The following PRELID2 variants were observed in gnomAD, a reference collection of about 807,000 sequenced individuals.
The protein encoded by PRELID2 is PRELI domain containing 2.
A neutral mutation model predicts 28.4 loss-of-function variants in PRELID2; 25 were observed. That is an observed-to-expected ratio of 0.88 (90% CI 0.64 to 1.23). The LOEUF (loss-of-function observed/expected upper bound fraction) is 1.23. PRELID2 is among the 50% of genes most tolerant of loss of function. The pLI is 0.00. For synonymous variants in PRELID2, 76 were observed against 71.6 expected (o/e 1.06, Z -0.31); for missense variants, 201 against 214.4 (o/e 0.94, Z 0.39).
the PRELID2 span, among the ~76,000 whole-genome samples, chr5:145,320,406 G>A: frequency 6.6e-6 from 1 of 151,806 alleles, no homozygotes; most frequent in African/African-American, 2.4e-5. Flanking sequence ...AAGTAGCTGG[G>A]ACTACAGGCG....
At chr5:145,410,668 C>G in the PRELID2 span, among the ~76,000 whole-genome samples, 9 of 151,926 alleles carry the variant, frequency 5.9e-5, no homozygotes, top group African/African-American at 2.2e-4. Context: ...GGAAACTGCC[C>G]CCATGATTCA....
chr5:145,727,756 A>G (rs1162306427), intron 1 of PRELID2, among the ~76,000 whole-genome samples: 1 of 152,222 alleles, frequency 6.6e-6, no homozygotes, highest in Non-Finnish European at 1.5e-5. Context: ...GATGTCTCCC[A>G]TGGTCTATTT....
At chr5:145,339,703 G>A in the PRELID2 span, among the ~76,000 whole-genome samples, 2 of 152,136 alleles carry the variant, frequency 1.3e-5, no homozygotes, top group Admixed American at 6.5e-5. Flanking sequence ...GCTGCAATGG[G>A]ATCAAAGCAC....
intron 1 of PRELID2, among the ~76,000 whole-genome samples, chr5:145,686,314 AT>A (rs1755037843): frequency 6.6e-6 from 1 of 152,070 alleles, no homozygotes; most frequent in Non-Finnish European, 1.5e-5. Flanking sequence ...TATAAGGGGG[AT>A]TTTCAATAAC....
chr5:145,276,605 A>C, the PRELID2 span, among the ~76,000 whole-genome samples: 3 of 152,170 alleles, frequency 2.0e-5, no homozygotes, highest in Non-Finnish European at 2.9e-5. Context: ...CTTTATAAAA[A>C]AAAGTCACCT....
chr5:145,448,856 T>C, the PRELID2 span, among the ~76,000 whole-genome samples: 1 of 152,174 alleles, frequency 6.6e-6, no homozygotes, highest in East Asian at 1.9e-4. Context: ...TAAATATTCA[T>C]CATCATTCTA....
intron 1 of PRELID2, among the ~76,000 whole-genome samples, chr5:145,672,274 G>A (rs1374969592): frequency 6.6e-6 from 1 of 152,050 alleles, no homozygotes; most frequent in African/African-American, 2.4e-5. Context: ...TTCACAGCAG[G>A]GTTAAAGAGA....
the PRELID2 span, among the ~76,000 whole-genome samples, chr5:145,254,060 C>T: frequency 5.3e-5 from 8 of 152,020 alleles, no homozygotes; most frequent in South Asian, 2.1e-4. Flanking sequence ...CCTTATTCCT[C>T]GGCTGAGAAC....
chr5:145,740,262 T>C (rs1444271532), intron 1 of PRELID2, among the ~76,000 whole-genome samples: 1 of 86,610 alleles, frequency 1.2e-5, no homozygotes, highest in Non-Finnish European at 2.2e-5. Context: ...ACAGGATTTA[T>C]CAAATATATA....
chr5:145,626,900 G>A (rs1338673193), intron 1 of PRELID2, among the ~76,000 whole-genome samples: 1 of 151,806 alleles, frequency 6.6e-6, no homozygotes, highest in Admixed American at 6.6e-5. Flanking sequence ...AGGAGTTCGA[G>A]ATCAGCCTGG....
At chr5:145,411,205 G>A in the PRELID2 span, among the ~76,000 whole-genome samples, 1 of 152,176 alleles carries the variant, frequency 6.6e-6, no homozygotes, top group South Asian at 2.1e-4. Context: ...AAGGCAAGGA[G>A]GAGCAAGTCA....
chr5:145,578,179 C>A (rs765104386), intron 1 of PRELID2, among the ~76,000 whole-genome samples: 3 of 152,108 alleles, frequency 2.0e-5, no homozygotes, highest in Non-Finnish European at 4.4e-5. Context: ...AAGATATCTC[C>A]CATCTTGCCA....
chr5:145,252,915 C>T, the PRELID2 span, among the ~76,000 whole-genome samples: 8 of 151,948 alleles, frequency 5.3e-5, no homozygotes, highest in Admixed American at 1.3e-4. Context: ...TAAAATGATA[C>T]ATTTTATGTT....
chr5:145,580,819 T>A (rs1407263110), intron 1 of PRELID2, among the ~76,000 whole-genome samples: 1 of 152,030 alleles, frequency 6.6e-6, no homozygotes, highest in Non-Finnish European at 1.5e-5. Flanking sequence ...ATAAATAATG[T>A]TGAACTTGAA....
rs145234559 is a variant in PRELID2, at chr5:145,715,427, G to C, written n.70+49504C>G. ...TAGACCATTGCTATACTTTCTAACTGATCTCCCTGATTCCAATCTTACTAA... is the reference window on the plus strand; with the variant it reads ...TAGACCATTGCTATACTTTCTAACTCATCTCCCTGATTCCAATCTTACTAA... On this transcript the variant is annotated intron_variant and non_coding_transcript_variant, in intron 1 of 2. Transcript: ENST00000510259. 3.8e-3 allele frequency among the ~76,000 whole-genome samples: 583 copies of C among 152,142 alleles called. 4 individuals carry two copies. Among genetic ancestry groups the C allele is most frequent in the African/African-American group, 0.013 (559 of 41,524 alleles).
At chr5:145,284,024 G>T in the PRELID2 span, among the ~76,000 whole-genome samples, 2 of 152,060 alleles carry the variant, frequency 1.3e-5, no homozygotes, top group African/African-American at 4.8e-5. Flanking sequence ...AGAGATCTTG[G>T]TTTAAAATCC....
the PRELID2 span, among the ~76,000 whole-genome samples, chr5:145,336,997 C>G: frequency 0.62 from 88,124 of 141,230 alleles, 28,187 homozygotes; most frequent in East Asian, 0.89. Flanking sequence ...AGCTTTAGGG[C>G]ATATGCCTAA....
rs1484469614 is a variant in PRELID2 at position 145,829,057 on chromosome 5, T to TGG, written c.76-5924_76-5923insCC. ...TGTGTGGTTTGGGGTTTTGTTGTTGTTGGTGGTGGTGGTGGTGGTGGTGGT... is the reference window on the plus strand; with the variant it reads ...TGTGTGGTTTGGGGTTTTGTTGTTGTGGTGGTGGTGGTGGTGGTGGTGGTGGT... On this transcript the variant is annotated intron_variant, in intron 1 of 6. Transcript: ENST00000683046. Among the ~76,000 whole-genome samples, 1,412 of 148,978 alleles carry TGG rather than the reference T, an allele frequency of 9.5e-3. 17 individuals carry two copies. The highest frequency in any genetic ancestry group is 0.012 in the Non-Finnish European group (837 of 67,076).
chr5:145,244,137 T>G, the PRELID2 span, among the ~76,000 whole-genome samples: 1 of 152,024 alleles, frequency 6.6e-6, no homozygotes, highest in Admixed American at 6.6e-5. Flanking sequence ...GTATTTTCAG[T>G]AGAGACGGGG....
Sources: gnomAD v4.1 joint callset for allele counts (sites outside exome capture counted in the v4.1 genomes callset) on GRCh38, gnomAD v4.1.1 for gene constraint, MANE v1.5 for transcripts, NCBI Gene and HGNC (gene_info 2026-07-23, HGNC 2026-07-21) for gene names.